The following NUP205 variants were observed in gnomAD, a reference collection of about 807,000 sequenced individuals.
NUP205 encodes the protein nuclear pore complex protein Nup205.
In NUP205, 76 loss-of-function variants were observed where a neutral mutation model predicts 253.8. The ratio of observed to expected loss-of-function variants is 0.30; its 90% confidence interval spans 0.25 to 0.36. The LOEUF is 0.36. Among genes scored for constraint, NUP205 ranks in the 10% least tolerant of loss-of-function variants. The pLI, the probability that NUP205 is intolerant of heterozygous loss-of-function variation, is 1.00. For synonymous variants in NUP205, 832 were observed against 850.1 expected (o/e 0.98, Z 0.37); for missense variants, 2,162 against 2,425.5 (o/e 0.89, Z 2.28).
chr7:135,570,975 TATTA>T (rs1031328386), intron 1 of NUP205, 126 bp from the exon 2 acceptor site: 4 of 242,342 alleles, frequency 1.7e-5, no homozygotes, highest in African/African-American at 7.6e-5. Flanking sequence ...TTGATAATTA[TATTA>T]ATTAAGATAA....
In NUP205 at chr7:135,643,506, C is replaced by T. The variant is rs73452471; in HGVS notation, c.5559+148C>T. 8,578 of 609,710 alleles carry T rather than the reference C, an allele frequency of 0.014. 589 individuals carry two copies. The African/African-American group carries it at 0.14, about 10-fold the overall frequency. The allele number at this position is 609,710 out of a possible 1,614,324, so 37.8% of individuals were successfully genotyped here. A position where few individuals can be genotyped will look rare whatever the true frequency, so the allele number is the denominator to read the frequency against. The stretch of plus-strand genomic sequence containing the variant: ...TGTGATTTGAAGAAGACTCCTTCGC[C>T]GTAGCACCAGCCTTATAAGCATAGA... On this transcript the variant is annotated intron_variant, in intron 39 of 42. Coordinates refer to ENST00000285968, the MANE Select transcript of NUP205 (RefSeq NM_015135.3).
At chr7:135,610,074 C>T (rs1794190730) in intron 22 of NUP205, among the ~76,000 whole-genome samples, 1 of 152,090 alleles carries the variant, frequency 6.6e-6, no homozygotes, top group African/African-American at 2.4e-5. Context: ...GCCAGATTGT[C>T]TGAATTTTTA....
chr7:135,572,942 CTTTTTTTTTT>C (rs1186445399), intron 2 of NUP205, among the ~76,000 whole-genome samples: 1 of 137,510 alleles, frequency 7.3e-6, no homozygotes, highest in Non-Finnish European at 1.6e-5. Context: ...TGCTTTTTAG[CTTTTTTTTTT>C]TTTTCTTTTT....
chr7:135,618,557 A>T lies in NUP205; in HGVS notation c.3917A>T (p.Asp1306Val). ...CCCCAGGACCTCATTCAGGCAGAGG[A>T]TCGACAACTGATTATTCGTGATATT... ...ACPQDLIQAEDRQLIIRDILQ... is the reference protein window; with the variant it reads ...ACPQDLIQAEVRQLIIRDILQ... Residue 1306 changes from aspartate to valine, a missense_variant, in exon 28 of 43, where the codon GAT becomes GTT. Asp to Val is a radical substitution (Grantham distance 152, BLOSUM62 -3). Transcript: ENST00000285968. The T allele has an allele frequency of 6.2e-7, 1 of 1,612,290 alleles. No homozygotes were observed. The highest frequency in any genetic ancestry group is 1.1e-5 in the South Asian group (1 of 90,708).
intron 22 of NUP205, among the ~76,000 whole-genome samples, chr7:135,612,263 T>C (rs572361332): frequency 6.6e-6 from 1 of 152,326 alleles, no homozygotes; most frequent in Admixed American, 6.5e-5. Context: ...AAATACAGGC[T>C]AGGATTCCTG....
chr7:135,619,741 A>G (rs375150813), intron 29 of NUP205, 49 bp from the exon 30 acceptor site: 79 of 1,595,100 alleles, frequency 5.0e-5, no homozygotes, highest in Non-Finnish European at 6.6e-5. Context: ...ATTTGTTTTA[A>G]CTTTAATTGA....
intron 10 of NUP205, among the ~76,000 whole-genome samples, chr7:135,590,573 G>A (rs1806602778): frequency 7.0e-6 from 1 of 143,748 alleles, no homozygotes; most frequent in Non-Finnish European, 1.5e-5. Flanking sequence ...AGTCTCTGTT[G>A]CCAGGCTAGA....
At chr7:135,559,785 G>A (rs1805532512) in intron 1 of NUP205, among the ~76,000 whole-genome samples, 2 of 150,142 alleles carry the variant, frequency 1.3e-5, no homozygotes, top group African/African-American at 4.9e-5. Flanking sequence ...TCCACCTCCT[G>A]GGTTGGAGCA....
chr7:135,641,880 A>G (rs190218326), intron 38 of NUP205, among the ~76,000 whole-genome samples: 7 of 152,278 alleles, frequency 4.6e-5, no homozygotes, highest in Non-Finnish European at 7.4e-5. Flanking sequence ...GTGAAGAAAA[A>G]GCAAATGTAG....
At chr7:135,624,109 T>G (rs541577231) in intron 31 of NUP205, among the ~76,000 whole-genome samples, 1 of 152,310 alleles carries the variant, frequency 6.6e-6, no homozygotes, top group South Asian at 2.1e-4. Context: ...TTAAAAATTT[T>G]AAAATATTTG....
intron 27 of NUP205, 139 bp from the exon 28 acceptor site, chr7:135,618,273 G>A (rs913735712): frequency 1.5e-6 from 1 of 683,676 alleles, no homozygotes; most frequent in South Asian, 1.8e-5. Context: ...TATAGCCCTG[G>A]CTACTGAAAT....
At chr7:135,573,201 A>C (rs1191381359) in intron 2 of NUP205, among the ~76,000 whole-genome samples, 1 of 152,180 alleles carries the variant, frequency 6.6e-6, no homozygotes, top group Non-Finnish European at 1.5e-5. Flanking sequence ...ACTGTACGTC[A>C]TATGTTAAAT....
chr7:135,600,838 A>C (rs961211865), intron 15 of NUP205, 32 bp from the exon 16 acceptor site: 6 of 1,352,184 alleles, frequency 4.4e-6, no homozygotes, highest in Non-Finnish European at 6.3e-6. Flanking sequence ...GGTCTGTTTT[A>C]TTGTTATTGA....
chr7:135,629,947 ATTTTT>A (rs1327085724), intron 34 of NUP205, among the ~76,000 whole-genome samples: 2 of 152,188 alleles, frequency 1.3e-5, no homozygotes, highest in African/African-American at 4.8e-5. Context: ...TTCACTAGTC[ATTTTT>A]ATACCCATTT....
At chr7:135,643,713 A>G (rs1794957911) in intron 39 of NUP205, among the ~76,000 whole-genome samples, 1 of 152,140 alleles carries the variant, frequency 6.6e-6, no homozygotes, top group Admixed American at 6.5e-5. Flanking sequence ...AGCATCTTCA[A>G]TATCTGTTTA....
In NUP205 at chr7:135,571,087, A is replaced by C; in HGVS notation, c.29-18A>C. The C allele has an allele frequency of 6.5e-7, 1 of 1,536,434 alleles. No homozygotes were observed. The highest frequency in any genetic ancestry group is 8.8e-7 in the Non-Finnish European group (1 of 1,140,900). On this transcript the variant is annotated intron_variant, in intron 1 of 42. Coordinates refer to ENST00000285968, the MANE Select transcript of NUP205 (RefSeq NM_015135.3). ...GTATGTTTTCTTTGACGGTGGTTTC[A>C]TTTATTTTTTCTTTAAGCTGCTAGT... is the stretch of plus-strand genomic sequence containing the variant.
rs1463848878 is a variant in NUP205, at chr7:135,576,406, A to G, written c.480A>G (p.Leu160=). ...CTAGACGGGGAAAGACATGGACCCT[A>G]GAACTCAGGTCTTTTTACTTCTTGG... is the stretch of plus-strand genomic sequence containing the variant. ...IQSRRGKTWT[L]ELSPELASMT... The change falls in exon 4 of 43, where the codon CTA becomes CTG. Residue 160 remains leucine (L), a synonymous_variant. Coordinates refer to ENST00000285968, the MANE Select transcript of NUP205 (RefSeq NM_015135.3). 3.1e-5 allele frequency: 50 copies of G among 1,608,920 alleles called. No homozygotes were observed. Among genetic ancestry groups the G allele is most frequent in the Non-Finnish European group, 4.2e-5 (50 of 1,178,616 alleles).
intron 36 of NUP205, 113 bp downstream of exon 36, chr7:135,635,770 T>G (rs1794798830): frequency 1.6e-5 from 9 of 578,494 alleles, no homozygotes; most frequent in Non-Finnish European, 2.5e-5. Context: ...TTTTGGTTCT[T>G]TAGTTTTTCT....
At chr7:135,632,001 T>A (rs1303005571) in intron 35 of NUP205, among the ~76,000 whole-genome samples, 1 of 152,130 alleles carries the variant, frequency 6.6e-6, no homozygotes, top group Non-Finnish European at 1.5e-5. Flanking sequence ...CGCCTCGGCC[T>A]CCCAAAGTGC....
Sources: gnomAD v4.1 joint callset for allele counts (sites outside exome capture counted in the v4.1 genomes callset) on GRCh38, gnomAD v4.1.1 for gene constraint, MANE v1.5 for transcripts, NCBI Gene and HGNC (gene_info 2026-07-23, HGNC 2026-07-21) for gene names.